Variants in KCNK10 observed in about 807,000 individuals in gnomAD.
KCNK10 encodes the protein potassium channel subfamily K member 10.
A neutral mutation model predicts 47.7 loss-of-function variants in KCNK10; 25 were observed. That is an observed-to-expected ratio of 0.52 (90% CI 0.38 to 0.73). KCNK10 has a LOEUF of 0.73. Ranked by LOEUF, KCNK10 falls within the 30% of genes least tolerant of loss-of-function variation. KCNK10 has a pLI of 0.00. For missense variants in KCNK10, 563 were observed against 714.5 expected, an observed-to-expected ratio of 0.79 and a Z score of 2.42; for synonymous variants, 303 against 285.6, an observed-to-expected ratio of 1.06 and a Z score of -0.61.
chr14:88,268,306 C>T (rs901831360), intron 1 of KCNK10, among the ~76,000 whole-genome samples: 1 of 152,200 alleles, frequency 6.6e-6, no homozygotes, highest in African/African-American at 2.4e-5. Context: ...GAGCAACGTA[C>T]CCGCAGTGCA....
At chr14:88,210,829 GAAAAAA>G (rs71126970) in intron 4 of KCNK10, among the ~76,000 whole-genome samples, 4 of 138,656 alleles carry the variant, frequency 2.9e-5, no homozygotes, top group Non-Finnish European at 6.2e-5. Flanking sequence ...AAAGTTAAAG[GAAAAAA>G]AAAAAAAAAC....
intron 1 of KCNK10, among the ~76,000 whole-genome samples, chr14:88,306,524 T>C (rs553482783): frequency 3.9e-5 from 6 of 152,264 alleles, no homozygotes; most frequent in Non-Finnish European, 7.4e-5. Context: ...TGATAGCTCA[T>C]TCCCTGATGA....
Position 88,265,932 on chromosome 14 carries a change from T to A in KCNK10, c.53-2381A>T, listed in dbSNP as rs113361951. 2.1e-3 allele frequency among the ~76,000 whole-genome samples: 324 copies of A among 152,332 alleles called. 1 individual carries two copies. Among genetic ancestry groups the A allele is most frequent in the African/African-American group, 7.1e-3 (295 of 41,570 alleles). On this transcript the variant is annotated intron_variant, in intron 1 of 6. Coordinates refer to ENST00000319231, the MANE Select transcript of KCNK10 (RefSeq NM_138317.3). ...ATATGGAACTGTGAGTCCATTAAAC[T>A]TCTTTCCTTTATAACTTACCCAGTC... is the stretch of plus-strand genomic sequence containing the variant.
chr14:88,272,649 G>T (rs1186547720), intron 1 of KCNK10, among the ~76,000 whole-genome samples: 1 of 152,114 alleles, frequency 6.6e-6, no homozygotes, highest in East Asian at 1.9e-4. Context: ...TCTTATTAAT[G>T]AGCGTGGGAA....
intron 1 of KCNK10, among the ~76,000 whole-genome samples, chr14:88,319,402 T>G (rs1239739302): frequency 6.6e-6 from 1 of 152,174 alleles, no homozygotes; most frequent in African/African-American, 2.4e-5. Flanking sequence ...GTCCAAGTAA[T>G]GTGAACTGTC....
intron 1 of KCNK10, among the ~76,000 whole-genome samples, chr14:88,317,843 G>A (rs2139806133): frequency 6.6e-6 from 1 of 152,178 alleles, no homozygotes; most frequent in South Asian, 2.1e-4. Flanking sequence ...TTGCATTAAA[G>A]TGTGCACTAA....
At position 88,289,930 on chromosome 14, in the gene KCNK10, C is replaced by T. The variant is rs147005934; in HGVS notation, c.53-26379G>A. On this transcript the variant is annotated intron_variant, in intron 1 of 6. Transcript: ENST00000319231. Reference sequence around the variant, plus strand: ...CATCGTGCTTGTGTATCTATTTTGGCATAAGCATTGTGTCTTATTCACCTT... The same window carrying T: ...CATCGTGCTTGTGTATCTATTTTGGTATAAGCATTGTGTCTTATTCACCTT... Among the ~76,000 whole-genome samples the T allele has an allele frequency of 4.8e-3, 738 of 152,306 alleles. 5 individuals are homozygous for T. Among genetic ancestry groups the T allele is most frequent in the African/African-American group, 0.017 (695 of 41,570 alleles).
At chr14:88,258,746 C>T (rs577359028) in intron 2 of KCNK10, among the ~76,000 whole-genome samples, 14 of 152,296 alleles carry the variant, frequency 9.2e-5, no homozygotes, top group African/African-American at 3.4e-4. Flanking sequence ...CATCTTTCTT[C>T]ACCTTTAGGG....
At chr14:88,228,084 G>T (rs750275904) in intron 3 of KCNK10, among the ~76,000 whole-genome samples, 11 of 152,146 alleles carry the variant, frequency 7.2e-5, no homozygotes, top group Non-Finnish European at 1.2e-4. Flanking sequence ...AAAGAATAGG[G>T]AAGGGAAGGC....
At chr14:88,284,782 C>T (rs1293172757) in intron 1 of KCNK10, among the ~76,000 whole-genome samples, 1 of 152,124 alleles carries the variant, frequency 6.6e-6, no homozygotes, top group Admixed American at 6.5e-5. Context: ...CCTACAACAC[C>T]CTCACAGACA....
Position 88,322,982 on chromosome 14 carries a change from G to T in KCNK10, c.-184C>A. On this transcript the variant is annotated 5_prime_UTR_variant, in exon 1 of 7. Coordinates refer to ENST00000319231, the MANE Select transcript of KCNK10 (RefSeq NM_138317.3). This position sits in a 1 kb window ranked among gnomAD's most constrained non-coding sequence, Gnocchi z 4.8. ...GAAAATATTAGCTTGGGGGAGAACT[G>T]GAGAGGGCTTGGGTGTTTGCACCGG... is the stretch of plus-strand genomic sequence containing the variant. The T allele has an allele frequency of 7.0e-7, 1 of 1,437,016 alleles. No homozygotes were observed. The highest frequency in any genetic ancestry group is 9.1e-7 in the Non-Finnish European group (1 of 1,097,358). The allele number at this position is 1,437,016 out of a possible 1,614,324, so 89.0% of individuals were successfully genotyped here. A position where few individuals can be genotyped will look rare whatever the true frequency, so the allele number is the denominator to read the frequency against.
At chr14:88,257,563 G>A (rs372839012) in intron 2 of KCNK10, among the ~76,000 whole-genome samples, 109 of 152,322 alleles carry the variant, frequency 7.2e-4, no homozygotes, top group African/African-American at 2.5e-3. Context: ...TCCAGTGCAT[G>A]GTGGTTCAGA....
At chr14:88,213,376 G>T (rs937393284) in intron 4 of KCNK10, among the ~76,000 whole-genome samples, 1 of 152,134 alleles carries the variant, frequency 6.6e-6, no homozygotes, top group African/African-American at 2.4e-5. Context: ...CATTCCAGAG[G>T]AACCAAACTA....
chr14:88,185,312 C>A lies in KCNK10; in HGVS notation c.*223G>T. ...CCAGAACCGGCTACGTGCACGGACA[C>A]TCTTGGTGTGTCCTGCGTTTGCTAT... is the stretch of plus-strand genomic sequence containing the variant. On this transcript the variant is annotated 3_prime_UTR_variant, in exon 7 of 7. Coordinates refer to ENST00000319231, the MANE Select transcript of KCNK10 (RefSeq NM_138317.3). This position sits in a 1 kb window ranked among gnomAD's most constrained non-coding sequence, Gnocchi z 4.3. 1 of 621,926 alleles carries A rather than the reference C, an allele frequency of 1.6e-6. No homozygotes were observed. The highest frequency in any genetic ancestry group is 2.1e-5 in the South Asian group (1 of 48,338). 38.5% of individuals were successfully genotyped at this position (621,926 alleles called of 1,614,324 possible).
intron 3 of KCNK10, among the ~76,000 whole-genome samples, chr14:88,230,249 G>A (rs757369285): frequency 1.3e-5 from 2 of 152,136 alleles, no homozygotes; most frequent in Admixed American, 6.5e-5. Context: ...GAGAAAACAG[G>A]CGGTTGATTC....
chr14:88,223,512 T>C (rs1228233839), intron 4 of KCNK10, among the ~76,000 whole-genome samples: 1 of 152,158 alleles, frequency 6.6e-6, no homozygotes, highest in African/African-American at 2.4e-5. Flanking sequence ...TCCCTGGAAC[T>C]GAGTGCAGTA....
intron 1 of KCNK10, among the ~76,000 whole-genome samples, chr14:88,275,482 G>A (rs8015154): frequency 0.018 from 2,746 of 152,046 alleles, 77 homozygotes; most frequent in African/African-American, 0.063. Flanking sequence ...AGCAGATCCC[G>A]GATGAGAATT....
chr14:88,206,318 C>T (rs1049461095), intron 4 of KCNK10, among the ~76,000 whole-genome samples: 5 of 152,104 alleles, frequency 3.3e-5, no homozygotes, highest in East Asian at 1.9e-4. Flanking sequence ...AGGTCAAAGA[C>T]GTTCAGATGT....
intron 1 of KCNK10, among the ~76,000 whole-genome samples, chr14:88,270,305 A>C (rs1887372477): frequency 6.6e-6 from 1 of 152,190 alleles, no homozygotes; most frequent in Admixed American, 6.5e-5. Context: ...TGCTCCACCC[A>C]CACCGGCCTC....
Sources: allele counts gnomAD v4.1 joint callset (sites outside exome capture counted in the v4.1 genomes callset), GRCh38; gene constraint gnomAD v4.1.1; non-coding constraint Gnocchi (gnomAD v3.1); transcripts MANE v1.5; gene names NCBI Gene and HGNC (gene_info 2026-07-23, HGNC 2026-07-21).